The following BCLAF3 variants were observed in gnomAD, a reference collection of about 807,000 sequenced individuals.
The protein encoded by BCLAF3 is transient octamer binding factor 1.
In BCLAF3, 24 loss-of-function variants were observed where a neutral mutation model predicts 51.2. The ratio of observed to expected loss-of-function variants is 0.47; its 90% CI spans 0.34 to 0.66. BCLAF3 has a LOEUF of 0.66. Ranked by LOEUF, BCLAF3 falls within the 30% of genes least tolerant of loss-of-function variation. The pLI is 0.01. For synonymous variants in BCLAF3, 152 were observed against 176.6 expected, an observed-to-expected ratio of 0.86 and a Z score of 1.10; for missense variants, 465 against 525.1, an observed-to-expected ratio of 0.89 and a Z score of 1.12.
At chrX:19,975,819 G>A (rs921063067) in intron 1 of BCLAF3, among the ~76,000 whole-genome samples, 11 of 111,555 alleles carry the variant, frequency 9.9e-5, no homozygotes, top group African/African-American at 3.6e-4. Flanking sequence ...CTTCCTCCTG[G>A]AAACATTTTC....
intron 8 of BCLAF3, among the ~76,000 whole-genome samples, 164 bp from the exon 9 acceptor site, chrX:19,937,696 G>A (rs1164610838): frequency 8.9e-6 from 1 of 112,146 alleles, no homozygotes; most frequent in African/African-American, 3.2e-5. Flanking sequence ...ATAGTCATTA[G>A]GGCTAAACCC....
intron 11 of BCLAF3, among the ~76,000 whole-genome samples, chrX:19,918,534 C>CTTT (rs749600263): frequency 1.4e-4 from 8 of 55,179 alleles, no homozygotes; most frequent in African/African-American, 2.3e-4. Context: ...CCAACCCGGC[C>CTTT]TTTTTTTTTT....
chrX:19,969,839 T>C (rs762308929), intron 2 of BCLAF3, among the ~76,000 whole-genome samples: 6 of 112,231 alleles, frequency 5.3e-5, no homozygotes, highest in Admixed American at 9.5e-5. Context: ...CAAAACTCTA[T>C]TATTCTGCCA....
At chrX:19,941,601 T>C (rs1028758864) in intron 8 of BCLAF3, among the ~76,000 whole-genome samples, 1 of 109,500 alleles carries the variant, frequency 9.1e-6, no homozygotes, top group African/African-American at 3.4e-5. Context: ...GCGTTATTTC[T>C]GAGGGCTCTG....
rs773746531 is a variant in BCLAF3 at position 19,965,533 on chromosome X, C to T, written c.785G>A (p.Arg262Gln). The change falls in exon 4 of 12, where the codon CGA (arginine) becomes CAA (glutamine). Residue 262 changes from arginine (R) to glutamine (Q), a missense_variant. Transcript: ENST00000379682. ...CTCTGGGTGTTCCCTCTCAGCATGTCGATAAGTTTGGGGCCCAAGGTTCCA... is the reference window on the plus strand; with the variant it reads ...CTCTGGGTGTTCCCTCTCAGCATGTTGATAAGTTTGGGGCCCAAGGTTCCA... ...DQWNLGPQTY[R>Q]HAEREHPETS... The T allele has an allele frequency of 2.4e-5, 29 of 1,202,722 alleles. No homozygotes were observed. The highest frequency in any genetic ancestry group is 5.9e-5 in the East Asian group (2 of 33,745).
At chrX:19,926,336 A>G (rs1035948927) in intron 11 of BCLAF3, among the ~76,000 whole-genome samples, 8 of 111,583 alleles carry the variant, frequency 7.2e-5, no homozygotes, top group African/African-American at 2.6e-4. Flanking sequence ...GCCTAGGCCT[A>G]AAGATTGGAG....
In BCLAF3 at chrX:19,913,595, G is replaced by C. The variant is rs765605341; in HGVS notation, c.*3710C>G. 16 of 111,802 alleles carry C rather than the reference G, an allele frequency of 1.4e-4. No individual in the cohort carries two copies. The highest frequency in any genetic ancestry group is 2.4e-4 in the Non-Finnish European group (13 of 53,090). The allele number at this position is 111,802 out of a possible 1,213,427, so 9.2% of individuals were successfully genotyped here. On this transcript the variant is annotated 3_prime_UTR_variant, in exon 12 of 12. Coordinates refer to ENST00000379682, the MANE Select transcript of BCLAF3 (RefSeq NM_001367774.2). Reference sequence around the variant, plus strand: ...CACCCCCAGGGTTTCTGATTCAGGAGGTCTGGGGTGGGGCCAAGAATCTGC... The same window carrying C: ...CACCCCCAGGGTTTCTGATTCAGGACGTCTGGGGTGGGGCCAAGAATCTGC...
chrX:19,967,284 A>T (rs1162270730), intron 2 of BCLAF3, among the ~76,000 whole-genome samples: 1 of 111,897 alleles, frequency 8.9e-6, no homozygotes, highest in Non-Finnish European at 1.9e-5. Context: ...AGAGGCTCTT[A>T]AGACTTGAAT....
At chrX:19,945,384 T>C (rs1008517217) in intron 8 of BCLAF3, among the ~76,000 whole-genome samples, 1 of 107,273 alleles carries the variant, frequency 9.3e-6, no homozygotes, top group Non-Finnish European at 1.9e-5. Context: ...TCTGTTCTGT[T>C]TTTTCCCCAT....
chrX:19,951,372 C>A (rs1023258329), intron 7 of BCLAF3, among the ~76,000 whole-genome samples: 3 of 105,160 alleles, frequency 2.9e-5, no homozygotes, highest in African/African-American at 1.1e-4. Flanking sequence ...CCAAGGTGGG[C>A]AGATCATTTG....
chrX:19,918,236 C>T (rs899965151), intron 11 of BCLAF3: 37 of 111,028 alleles, frequency 3.3e-4, no homozygotes, highest in Non-Finnish European at 6.4e-4. Context: ...AATACATGCA[C>T]GTATATATTT....
At chrX:19,961,429 A>C (rs1907573144) in intron 4 of BCLAF3, among the ~76,000 whole-genome samples, 1 of 112,310 alleles carries the variant, frequency 8.9e-6, no homozygotes, top group African/African-American at 3.2e-5. Flanking sequence ...GTTTTCAACC[A>C]TACTGACAAT....
intron 8 of BCLAF3, among the ~76,000 whole-genome samples, chrX:19,945,695 T>C (rs370161363): frequency 3.0e-4 from 25 of 82,173 alleles, no homozygotes; most frequent in Non-Finnish European, 3.0e-4. Context: ...GACAGGGACA[T>C]TTAAGTCTGC....
chrX:19,924,075 C>T (rs2070279563), intron 11 of BCLAF3, among the ~76,000 whole-genome samples: 1 of 110,847 alleles, frequency 9.0e-6, no homozygotes, highest in African/African-American at 3.3e-5. Flanking sequence ...GCTGGGATTA[C>T]AGGCGTGAGC....
chrX:19,919,666 G>A (rs898690189), intron 11 of BCLAF3, among the ~76,000 whole-genome samples: 10 of 110,115 alleles, frequency 9.1e-5, no homozygotes, highest in Non-Finnish European at 1.5e-4. Context: ...AGACCAGCCC[G>A]GACAACATGG....
chrX:19,935,932 G>A, intron 9 of BCLAF3, 34 bp from the exon 10 acceptor site: 1 of 1,055,873 alleles, frequency 9.5e-7, no homozygotes, highest in Non-Finnish European at 1.3e-6. Context: ...TGGGTTAACA[G>A]ACTTTAAAGT....
At chrX:19,939,140 T>C (rs775323979) in intron 8 of BCLAF3, among the ~76,000 whole-genome samples, 8 of 112,161 alleles carry the variant, frequency 7.1e-5, no homozygotes, top group South Asian at 3.7e-4. Flanking sequence ...AAGTTGTATA[T>C]TGAGGATAAT....
chrX:19,990,295 A>G (rs1463147405), intron 1 of BCLAF3, among the ~76,000 whole-genome samples: 1 of 113,041 alleles, frequency 8.8e-6, no homozygotes, highest in Non-Finnish European at 1.9e-5. Flanking sequence ...CAGTTTCCCA[A>G]TACAACCCAG....
At chrX:19,975,718 G>A (rs1320686902) in intron 1 of BCLAF3, among the ~76,000 whole-genome samples, 5 of 111,829 alleles carry the variant, frequency 4.5e-5, no homozygotes, top group African/African-American at 1.6e-4. Flanking sequence ...CAAACTCTTA[G>A]GCTCAAGCGA....
Sources: allele counts gnomAD v4.1 joint callset (sites outside exome capture counted in the v4.1 genomes callset), GRCh38; gene constraint gnomAD v4.1.1; transcripts MANE v1.5; gene names NCBI Gene and HGNC (gene_info 2026-07-23, HGNC 2026-07-21).